Variants in ARSB observed in about 807,000 individuals in gnomAD.
ARSB encodes N-acetylgalactosamine-4-sulfatase.
In ARSB, 41 loss-of-function variants were observed where a neutral mutation model predicts 50.9. The observed-to-expected ratio is 0.81, with a 90% CI of 0.63 to 1.04. The LOEUF is 1.04. Ranked by LOEUF, ARSB falls within the 50% of genes least tolerant of loss-of-function variation. The pLI is 0.00. For missense variants in ARSB, 672 were observed against 693.3 expected (o/e 0.97, Z 0.35); for synonymous variants, 269 against 284.8 (o/e 0.94, Z 0.56).
At chr5:78,904,469 T>A (rs1487485996) in intron 4 of ARSB, among the ~76,000 whole-genome samples, 1 of 152,058 alleles carries the variant, frequency 6.6e-6, no homozygotes, top group African/African-American at 2.4e-5. Context: ...TCACTGAGCT[T>A]CTTGAATTTG....
At chr5:78,797,601 C>T (rs1326803306) in intron 6 of ARSB, among the ~76,000 whole-genome samples, 1 of 152,240 alleles carries the variant, frequency 6.6e-6, no homozygotes, top group Admixed American at 6.5e-5. Context: ...CTCCCTGTAT[C>T]CACCATGGAC....
At chr5:78,818,053 TAGG>T (rs1424128139) in intron 6 of ARSB, among the ~76,000 whole-genome samples, 1 of 151,782 alleles carries the variant, frequency 6.6e-6, no homozygotes, top group Non-Finnish European at 1.5e-5. Flanking sequence ...CTGGCTGAGG[TAGG>T]AGAATGACTT....
chr5:78,911,038 A>T (rs1343511030), intron 4 of ARSB, among the ~76,000 whole-genome samples: 4 of 152,150 alleles, frequency 2.6e-5, no homozygotes, highest in Non-Finnish European at 5.9e-5. Context: ...AAGTGATTCA[A>T]GTGTCAAGTG....
intron 5 of ARSB, among the ~76,000 whole-genome samples, chr5:78,874,388 C>A (rs890711737): frequency 2.0e-5 from 3 of 151,994 alleles, no homozygotes; most frequent in Non-Finnish European, 4.4e-5. Context: ...AATCACAAAA[C>A]TGGAAGAGAA....
At chr5:78,948,199 A>G (rs1480796742) in intron 4 of ARSB, among the ~76,000 whole-genome samples, 1 of 152,100 alleles carries the variant, frequency 6.6e-6, no homozygotes, top group Non-Finnish European at 1.5e-5. Flanking sequence ...ATATACTTAG[A>G]TAGAATGAAT....
At chr5:78,971,193 T>C (rs911365241) in intron 1 of ARSB, among the ~76,000 whole-genome samples, 1 of 152,210 alleles carries the variant, frequency 6.6e-6, no homozygotes, top group African/African-American at 2.4e-5. Flanking sequence ...GGTGCCACTG[T>C]AGCCCCTGCT....
rs778018783 is a variant in ARSB at position 78,863,762 on chromosome 5, T to TA, written c.1142+21821dup. 8.0e-4 allele frequency among the ~76,000 whole-genome samples: 121 copies of TA among 150,966 alleles called. 1 individual carries two copies. The highest frequency in any genetic ancestry group is 1.5e-3 in the Admixed American group (22 of 15,146). On this transcript the variant is annotated intron_variant, in intron 5 of 7. Coordinates refer to ENST00000264914, the MANE Select transcript of ARSB (RefSeq NM_000046.5). Reference sequence around the variant, plus strand: ...CCTAGAACTTAAAGTATAATAATAATAAAAAAAAATAGATAGTCACTTCAT... The same window carrying TA: ...CCTAGAACTTAAAGTATAATAATAATAAAAAAAAAATAGATAGTCACTTCAT...
At chr5:78,935,948 C>T (rs1361865027) in intron 4 of ARSB, among the ~76,000 whole-genome samples, 1 of 134,866 alleles carries the variant, frequency 7.4e-6, no homozygotes, top group Non-Finnish European at 1.6e-5. Context: ...CCTCCCCTCC[C>T]CTCCCCCCTT....
chr5:78,895,800 G>A (rs1178690447), intron 4 of ARSB, among the ~76,000 whole-genome samples: 1 of 152,232 alleles, frequency 6.6e-6, no homozygotes, highest in Non-Finnish European at 1.5e-5. Context: ...TGGATAGTCA[G>A]CAGGTGGATG....
At chr5:78,792,680 A>G (rs1328393158) in intron 6 of ARSB, among the ~76,000 whole-genome samples, 1 of 152,234 alleles carries the variant, frequency 6.6e-6, no homozygotes, top group Non-Finnish European at 1.5e-5. Flanking sequence ...TCTGTGCACC[A>G]TAAGTGCACG....
intron 6 of ARSB, among the ~76,000 whole-genome samples, chr5:78,799,661 G>A (rs1369115989): frequency 2.0e-5 from 3 of 152,324 alleles, no homozygotes; most frequent in South Asian, 2.1e-4. Flanking sequence ...ACTCAAACAA[G>A]AATGTTTAGA....
chr5:78,848,061 A>G (rs114838026), intron 5 of ARSB, among the ~76,000 whole-genome samples: 1 of 150,380 alleles, frequency 6.6e-6, no homozygotes. Flanking sequence ...TTATTTTATT[A>G]TTATTATTAT....
chr5:78,797,114 G>A (rs796632526), intron 6 of ARSB, among the ~76,000 whole-genome samples: 50 of 152,216 alleles, frequency 3.3e-4, no homozygotes, highest in African/African-American at 1.1e-3. Context: ...TCCTGACCTC[G>A]TGATCCGCCC....
intron 2 of ARSB, among the ~76,000 whole-genome samples, chr5:78,968,743 C>T (rs958307477): frequency 1.3e-5 from 2 of 152,130 alleles, no homozygotes; most frequent in African/African-American, 4.8e-5. Flanking sequence ...GAGAGTACAG[C>T]GGTCTCCAAC....
chr5:78,905,910 C>CAAAAAAAAA (rs57651882), intron 4 of ARSB, among the ~76,000 whole-genome samples: 4 of 94,430 alleles, frequency 4.2e-5, no homozygotes, highest in Non-Finnish European at 6.2e-5. Context: ...AGCAAAGTAG[C>CAAAAAAAAA]AAAAAAAAAA....
At chr5:78,886,142 C>T (rs1169516272) in intron 4 of ARSB, among the ~76,000 whole-genome samples, 1 of 152,130 alleles carries the variant, frequency 6.6e-6, no homozygotes, top group East Asian at 1.9e-4. Context: ...TTTAAATACA[C>T]CTGTGTAACT....
At chr5:78,850,393 A>T (rs542634356) in intron 5 of ARSB, among the ~76,000 whole-genome samples, 1 of 152,132 alleles carries the variant, frequency 6.6e-6, no homozygotes, top group South Asian at 2.1e-4. Flanking sequence ...CCAGCCTTGC[A>T]TCCCAGGGAT....
intron 4 of ARSB, among the ~76,000 whole-genome samples, chr5:78,938,999 C>T (rs1750763601): frequency 6.6e-6 from 1 of 152,162 alleles, no homozygotes; most frequent in Non-Finnish European, 1.5e-5. Context: ...GGAAACTTCA[C>T]CCTCAAGTCA....
intron 5 of ARSB, among the ~76,000 whole-genome samples, chr5:78,864,588 C>T (rs558808497): frequency 1.3e-5 from 2 of 152,250 alleles, no homozygotes; most frequent in East Asian, 3.9e-4. Context: ...ATCTCATGTC[C>T]TCCCATTTCA....
Sources: allele counts gnomAD v4.1 joint callset (sites outside exome capture counted in the v4.1 genomes callset), GRCh38; gene constraint gnomAD v4.1.1; transcripts MANE v1.5; gene names NCBI Gene and HGNC (gene_info 2026-07-23, HGNC 2026-07-21).